The following PTPRN2 variants were observed in gnomAD, a reference collection of about 807,000 sequenced individuals.
PTPRN2 encodes the protein receptor-type tyrosine-protein phosphatase N2.
A neutral mutation model predicts 118.8 loss-of-function variants in PTPRN2; 74 were observed. That is an observed-to-expected ratio of 0.62 (90% confidence interval 0.52 to 0.76). PTPRN2 has a LOEUF of 0.76. Among genes scored for constraint, PTPRN2 ranks in the 30% least tolerant of loss-of-function variants. The pLI, the probability that PTPRN2 is intolerant of heterozygous loss-of-function variation, is 0.00. For missense variants in PTPRN2, 1,481 were observed against 1,394.4 expected, an observed-to-expected ratio of 1.06 and a Z score of -0.99; for synonymous variants, 641 against 608.0, an observed-to-expected ratio of 1.05 and a Z score of -0.80.
chr7:157,595,459 A>C, intron 16 of PTPRN2, 144 bp from the exon 17 acceptor site: 1 of 618,690 alleles, frequency 1.6e-6, no homozygotes, highest in East Asian at 3.0e-5. Context: ...AGGTTAGGAA[A>C]CCTGGGGGTT....
chr7:157,925,908 T>G (rs1798957788), intron 11 of PTPRN2, among the ~76,000 whole-genome samples: 1 of 152,132 alleles, frequency 6.6e-6, no homozygotes, highest in South Asian at 2.1e-4. Context: ...CCTCTTCTTC[T>G]GTGTCGTTCT....
At chr7:157,710,799 G>A (rs1439296648) in intron 12 of PTPRN2, among the ~76,000 whole-genome samples, 6 of 150,786 alleles carry the variant, frequency 4.0e-5, no homozygotes, top group Admixed American at 1.3e-4. Flanking sequence ...GGTTACACGC[G>A]AGAGCCCCAC....
rs753000404 is a variant in PTPRN2 at position 157,549,030 on chromosome 7, C to T, written c.2903-11G>A. The T allele has an allele frequency of 1.7e-5, 27 of 1,613,796 alleles. No individual in the cohort carries two copies. The highest frequency in any genetic ancestry group is 4.0e-5 in the African/African-American group (3 of 74,922). On this transcript the variant is annotated splice_polypyrimidine_tract_variant and intron_variant, in intron 21 of 22. Coordinates refer to ENST00000389418, the MANE Select transcript of PTPRN2 (RefSeq NM_002847.5). ...CAATCTCTTTAGCACCTGCAACAAA[C>T]CACAAATTGGGCTGAGTTCAGAGCA...
At chr7:157,746,821 G>C (rs937358769) in intron 12 of PTPRN2, among the ~76,000 whole-genome samples, 3 of 152,272 alleles carry the variant, frequency 2.0e-5, no homozygotes. Context: ...GTGGGAATCC[G>C]CATGTGTTGA....
chr7:158,057,009 AAAAC>A (rs1809843456), intron 11 of PTPRN2, among the ~76,000 whole-genome samples: 1 of 152,072 alleles, frequency 6.6e-6, no homozygotes, highest in Admixed American at 6.5e-5. Flanking sequence ...TTCACAAACA[AAAAC>A]AAAAGATGCA....
chr7:157,810,461 C>G (rs569013821), intron 12 of PTPRN2, among the ~76,000 whole-genome samples: 1 of 141,528 alleles, frequency 7.1e-6, no homozygotes, highest in Non-Finnish European at 1.5e-5. Flanking sequence ...TGGGCACAGG[C>G]TCTCCACGGG....
intron 3 of PTPRN2, among the ~76,000 whole-genome samples, chr7:158,221,712 G>A (rs529990915): frequency 6.6e-6 from 1 of 152,234 alleles, no homozygotes; most frequent in South Asian, 2.1e-4. Context: ...TAATATGGGG[G>A]AAACTGCCCC....
At position 157,672,167 on chromosome 7, in the gene PTPRN2, C is replaced by G. The variant is rs550845856; in HGVS notation, c.2001+10558G>C. ...AATCTCAAGATGTGTCTGAAAACCC[C>G]CCCTGGAGAAGCGAGGGGCCCACTG... On this transcript the variant is annotated intron_variant, in intron 13 of 22. Transcript: ENST00000389418. 1.2e-3 allele frequency among the ~76,000 whole-genome samples: 189 copies of G among 152,150 alleles called. 1 individual carries two copies. Among genetic ancestry groups the G allele is most frequent in the Admixed American group, 2.8e-3 (43 of 15,284 alleles).
At chr7:157,799,898 TCCATCCCTCAGAGGCACCACAGCC>T (rs1442071016) in intron 12 of PTPRN2, among the ~76,000 whole-genome samples, 18 of 86,682 alleles carry the variant, frequency 2.1e-4, no homozygotes, top group African/African-American at 7.7e-4. Flanking sequence ...GCCGGCCCCC[TCCATCCCTCAGAGGCACCACAGCC>T]GGCCCCCTCC....
rs1441281069 is a variant in PTPRN2 at position 157,893,974 on chromosome 7, G to C, written c.1788+4699C>G. Among the ~76,000 whole-genome samples the C allele has an allele frequency of 6.6e-6, 1 of 152,156 alleles. No individual in the cohort carries two copies. Among genetic ancestry groups the C allele is most frequent in the African/African-American group, 2.4e-5 (1 of 41,430 alleles). On this transcript the variant is annotated intron_variant, in intron 12 of 22. Coordinates refer to ENST00000389418, the MANE Select transcript of PTPRN2 (RefSeq NM_002847.5). The surrounding 1 kb of genome is among the most constrained non-coding windows in gnomAD (Gnocchi z 4.0). ...GGGTTCTGCCTTCAGAGGAAACAATGGGCCTTATTCCTCGATACACCTCCA... is the reference window on the plus strand; with the variant it reads ...GGGTTCTGCCTTCAGAGGAAACAATCGGCCTTATTCCTCGATACACCTCCA...
intron 2 of PTPRN2, among the ~76,000 whole-genome samples, chr7:158,486,236 G>T (rs943055066): frequency 6.6e-6 from 1 of 152,222 alleles, no homozygotes; most frequent in Admixed American, 6.5e-5. Flanking sequence ...TCACGATCAC[G>T]TCAGGCCATG....
intron 12 of PTPRN2, among the ~76,000 whole-genome samples, chr7:157,774,453 G>A (rs953398883): frequency 3.9e-5 from 6 of 152,338 alleles, no homozygotes; most frequent in Middle Eastern, 3.4e-3. Context: ...GATAAACCAC[G>A]TCAATATTAT....
intron 9 of PTPRN2, among the ~76,000 whole-genome samples, chr7:158,111,459 G>A (rs763111799): frequency 3.3e-5 from 5 of 152,198 alleles, no homozygotes; most frequent in Non-Finnish European, 5.9e-5. Context: ...GGACCTGTCC[G>A]TCAAGAGGCA....
chr7:157,830,103 G>C (rs1807461292), intron 12 of PTPRN2, among the ~76,000 whole-genome samples: 1 of 118,454 alleles, frequency 8.4e-6, no homozygotes, highest in South Asian at 2.9e-4. Flanking sequence ...TTGACCTCCT[G>C]TCTTCCTGCT....
In PTPRN2 at chr7:157,576,872, C is replaced by A. The variant is rs221301; in HGVS notation, c.2617-93G>T. ...TGAGGAACCCAGGGCCACGTCTGAC[C>A]AGAGAAGGGGGCGCTGCGAAGAGGG... On this transcript the variant is annotated intron_variant, in intron 18 of 22. Coordinates refer to ENST00000389418, the MANE Select transcript of PTPRN2 (RefSeq NM_002847.5). The A allele has an allele frequency of 8.4e-6, 11 of 1,303,820 alleles. No individual in the cohort carries two copies. In the South Asian group the frequency reaches 1.6e-4, roughly 19 times the overall value. The allele number at this position is 1,303,820 out of a possible 1,614,324, so 80.8% of individuals were successfully genotyped here. A position where few individuals can be genotyped will look rare whatever the true frequency, so the allele number is the denominator to read the frequency against.
Position 158,473,773 on chromosome 7 carries a change from GAA to G in PTPRN2, c.163+15960_163+15961del, listed in dbSNP as rs5888755. ...ACAGTCAACCATGATAGATTGGGGGGAAAAAAACATTTTAAACATTAATTTTT... is the reference window on the plus strand; with the variant it reads ...ACAGTCAACCATGATAGATTGGGGGGAAAAACATTTTAAACATTAATTTTT... On this transcript the variant is annotated intron_variant, in intron 2 of 22. Coordinates refer to ENST00000389418, the MANE Select transcript of PTPRN2 (RefSeq NM_002847.5). 1.3e-4 allele frequency among the ~76,000 whole-genome samples: 20 copies of G among 151,790 alleles called. No individual in the cohort carries two copies. The South Asian group carries it at 2.3e-3, about 17-fold the overall frequency.
At chr7:157,663,228 G>A (rs373203727) in intron 13 of PTPRN2, among the ~76,000 whole-genome samples, 29 of 152,218 alleles carry the variant, frequency 1.9e-4, no homozygotes, top group African/African-American at 6.0e-4. Flanking sequence ...CACCAGGCCC[G>A]CGAGGAGGTC....
chr7:157,966,103 T>A (rs958653491), intron 11 of PTPRN2, among the ~76,000 whole-genome samples: 1 of 151,950 alleles, frequency 6.6e-6, no homozygotes, highest in Non-Finnish European at 1.5e-5. Flanking sequence ...CTCAGCCACA[T>A]TGAACTTCTT....
intron 11 of PTPRN2, among the ~76,000 whole-genome samples, chr7:158,008,154 TGG>T (rs1484756585): frequency 3.9e-5 from 5 of 128,674 alleles, no homozygotes; most frequent in Non-Finnish European, 8.4e-5. Flanking sequence ...TGAGTGTGTG[TGG>T]GTGTGCTGTG....
Sources: allele counts gnomAD v4.1 joint callset (sites outside exome capture counted in the v4.1 genomes callset), GRCh38; gene constraint gnomAD v4.1.1; non-coding constraint Gnocchi (gnomAD v3.1); transcripts MANE v1.5; gene names NCBI Gene and HGNC (gene_info 2026-07-23, HGNC 2026-07-21).